Variants in PEAK1 observed in about 807,000 individuals in gnomAD.
PEAK1 encodes pseudopodium enriched atypical kinase 1.
PEAK1 carries 54 observed loss-of-function variants against 124.7 expected under a neutral mutation model. The ratio of observed to expected loss-of-function variants is 0.43; its 90% CI spans 0.35 to 0.54. PEAK1 has a LOEUF of 0.54. Ranked by LOEUF, PEAK1 falls within the 20% of genes least tolerant of loss-of-function variation. The probability of loss-of-function intolerance (pLI) is 0.01; values close to 1 mark genes in which losing one functional copy is unlikely to be tolerated. For synonymous variants in PEAK1, 719 were observed against 760.0 expected, an observed-to-expected ratio of 0.95 and a Z score of 0.89; for missense variants, 2,046 against 2,134.5, an observed-to-expected ratio of 0.96 and a Z score of 0.82.
At chr15:77,352,285 AG>A (rs1309924476) in intron 2 of PEAK1, 6 of 985,242 alleles carry the variant, frequency 6.1e-6, no homozygotes, top group Middle Eastern at 5.2e-4. Context: ...CCTCTCCCCC[AG>A]GAAGTGAGCA....
At chr15:77,162,189 A>G (rs1228857943) in intron 7 of PEAK1, among the ~76,000 whole-genome samples, 2 of 152,070 alleles carry the variant, frequency 1.3e-5, no homozygotes, top group Non-Finnish European at 2.9e-5. Flanking sequence ...CATTAGGCAC[A>G]TTAATTTAGT....
At chr15:77,187,686 C>T (rs2057616020) in intron 6 of PEAK1, among the ~76,000 whole-genome samples, 1 of 152,222 alleles carries the variant, frequency 6.6e-6, no homozygotes, top group African/African-American at 2.4e-5. Context: ...CCGAAGCCCA[C>T]CATCTCTCTC....
At chr15:77,411,238 G>C (rs1158072162) in intron 1 of PEAK1, among the ~76,000 whole-genome samples, 4 of 151,860 alleles carry the variant, frequency 2.6e-5, no homozygotes, top group Non-Finnish European at 5.9e-5. Flanking sequence ...GGAAACATTT[G>C]ATTGTATGCA....
chr15:77,382,112 C>T (rs2069531251), intron 1 of PEAK1, among the ~76,000 whole-genome samples: 1 of 152,126 alleles, frequency 6.6e-6, no homozygotes, highest in Admixed American at 6.5e-5. Context: ...CATACCCTCC[C>T]TCCCTCCTCT....
intron 6 of PEAK1, among the ~76,000 whole-genome samples, chr15:77,240,291 A>G (rs2060295556): frequency 1.3e-5 from 2 of 152,176 alleles, no homozygotes; most frequent in South Asian, 4.1e-4. Context: ...CTATTTCAAC[A>G]TTAGAGAAAA....
intron 5 of PEAK1, among the ~76,000 whole-genome samples, chr15:77,254,770 T>C (rs1214022800): frequency 6.6e-6 from 1 of 152,150 alleles, no homozygotes; most frequent in Non-Finnish European, 1.5e-5. Context: ...GTCAACCACA[T>C]ATGAATTATA....
At chr15:77,142,105 T>C (rs1043068128) in intron 8 of PEAK1, among the ~76,000 whole-genome samples, 28 of 152,206 alleles carry the variant, frequency 1.8e-4, no homozygotes, top group African/African-American at 6.8e-4. Flanking sequence ...AAGAGACTTA[T>C]ATTCAGAATA....
chr15:77,324,445 G>A (rs1454637326), intron 2 of PEAK1, among the ~76,000 whole-genome samples: 1 of 152,036 alleles, frequency 6.6e-6, no homozygotes. Flanking sequence ...CACACCACTG[G>A]GCGACAGAGT....
chr15:77,224,730 C>T (rs528746779), intron 6 of PEAK1, among the ~76,000 whole-genome samples: 10 of 152,000 alleles, frequency 6.6e-5, no homozygotes, highest in South Asian at 2.1e-4. Context: ...ACAGCACTTA[C>T]GGGAGATTTC....
chr15:77,316,223 T>G (rs1447434102), intron 2 of PEAK1, among the ~76,000 whole-genome samples: 2 of 152,218 alleles, frequency 1.3e-5, no homozygotes, highest in Admixed American at 1.3e-4. Context: ...GGTTTAGTTT[T>G]TCTATTTTAG....
chr15:77,348,381 A>T lies in PEAK1; in HGVS notation c.-603+16782T>A, dbSNP rs76408907. 2.3e-3 allele frequency: 2,073 copies of T among 898,600 alleles called. 40 individuals carry two copies. In the African/African-American group the frequency reaches 0.035, roughly 15 times the overall value. 55.7% of individuals were successfully genotyped at this position (898,600 alleles called of 1,614,324 possible). On this transcript the variant is annotated intron_variant, in intron 2 of 9. Coordinates refer to ENST00000682557, the MANE Select transcript of PEAK1 (RefSeq NM_001385026.1). Reference sequence around the variant, plus strand: ...AAATTTAAAGGAATCCCATCTTATTATTTGGTAATTACACTATAAGCAAGG... The same window carrying T: ...AAATTTAAAGGAATCCCATCTTATTTTTTGGTAATTACACTATAAGCAAGG...
chr15:77,405,635 T>C (rs573167571), intron 1 of PEAK1, among the ~76,000 whole-genome samples: 1 of 152,212 alleles, frequency 6.6e-6, no homozygotes, highest in East Asian at 1.9e-4. Flanking sequence ...ATCCAGACGC[T>C]GAAGGCCCAT....
intron 1 of PEAK1, among the ~76,000 whole-genome samples, chr15:77,365,741 TAAA>T (rs71145816): frequency 2.5e-5 from 2 of 80,830 alleles, no homozygotes; most frequent in African/African-American, 5.0e-5. Flanking sequence ...CTCCATCTCA[TAAA>T]AAAAAAAAAA....
chr15:77,419,738 G>T (rs1316743032), intron 1 of PEAK1, among the ~76,000 whole-genome samples: 3 of 150,218 alleles, frequency 2.0e-5, no homozygotes, highest in Non-Finnish European at 4.5e-5. Flanking sequence ...GGCCGCCGCC[G>T]AGGGAGGGGG....
intron 8 of PEAK1, among the ~76,000 whole-genome samples, chr15:77,150,872 A>C (rs892927970): frequency 7.9e-5 from 12 of 152,110 alleles, no homozygotes; most frequent in Admixed American, 4.6e-4. Flanking sequence ...ATAGTATTCC[A>C]TGGTGTATAT....
chr15:77,343,785 T>G (rs2066697848), intron 2 of PEAK1, among the ~76,000 whole-genome samples: 1 of 151,972 alleles, frequency 6.6e-6, no homozygotes, highest in Non-Finnish European at 1.5e-5. Context: ...CGCGCCGGCC[T>G]TATCTATTTT....
At chr15:77,252,004 T>C (rs2060905139) in intron 6 of PEAK1, among the ~76,000 whole-genome samples, 1 of 152,246 alleles carries the variant, frequency 6.6e-6, no homozygotes, top group Non-Finnish European at 1.5e-5. Flanking sequence ...TCAGTAAAGC[T>C]GTTTTCTTCT....
At chr15:77,153,661 TC>T (rs1283024573) in intron 8 of PEAK1, among the ~76,000 whole-genome samples, 1 of 152,212 alleles carries the variant, frequency 6.6e-6, no homozygotes, top group East Asian at 1.9e-4. Context: ...TTTGAATGTG[TC>T]CCAGAGATTC....
intron 9 of PEAK1, among the ~76,000 whole-genome samples, chr15:77,118,130 T>C (rs967554724): frequency 1.3e-5 from 2 of 152,152 alleles, no homozygotes; most frequent in Non-Finnish European, 1.5e-5. Context: ...TTATAATACA[T>C]AGACAGGTTG....
Sources: gnomAD v4.1 joint callset for allele counts (sites outside exome capture counted in the v4.1 genomes callset) on GRCh38, gnomAD v4.1.1 for gene constraint, MANE v1.5 for transcripts, NCBI Gene and HGNC (gene_info 2026-07-23, HGNC 2026-07-21) for gene names.